ATP8A2: variants seen among roughly 807,000 people sequenced by gnomAD.
ATP8A2 encodes phospholipid-transporting ATPase IB.
Under a neutral mutation model 165.6 loss-of-function variants are expected in ATP8A2, and 100 were observed. That is an observed-to-expected ratio of 0.60 (90% CI 0.51 to 0.71). The LOEUF (loss-of-function observed/expected upper bound fraction) is 0.71. Ranked by LOEUF, ATP8A2 falls within the 30% of genes least tolerant of loss-of-function variation. The pLI, the probability that ATP8A2 is intolerant of heterozygous loss-of-function variation, is 0.00. For synonymous variants in ATP8A2, 543 were observed against 548.8 expected, an observed-to-expected ratio of 0.99 and a Z score of 0.15; for missense variants, 1,227 against 1,479.5, an observed-to-expected ratio of 0.83 and a Z score of 2.80.
At chr13:25,428,663 G>A (rs2034519577) in intron 1 of ATP8A2, among the ~76,000 whole-genome samples, 1 of 152,112 alleles carries the variant, frequency 6.6e-6, no homozygotes, top group Non-Finnish European at 1.5e-5. Context: ...GTTTGTTGGG[G>A]CAATGCTCGC....
At chr13:25,663,490 A>G (rs2137704586) in intron 24 of ATP8A2, among the ~76,000 whole-genome samples, 1 of 152,300 alleles carries the variant, frequency 6.6e-6, no homozygotes, top group South Asian at 2.1e-4. Context: ...TGTAATATTC[A>G]CACGGCCTCA....
intron 8 of ATP8A2, among the ~76,000 whole-genome samples, chr13:25,541,251 A>G (rs966384849): frequency 6.6e-6 from 1 of 152,314 alleles, no homozygotes; most frequent in Admixed American, 6.5e-5. Context: ...GAATTCAGCA[A>G]TTCTATCCAT....
intron 33 of ATP8A2, among the ~76,000 whole-genome samples, chr13:25,865,939 GTTT>G (rs1458960027): frequency 6.6e-6 from 1 of 152,124 alleles, no homozygotes; most frequent in Non-Finnish European, 1.5e-5. Context: ...GGGACCAGGT[GTTT>G]TTCTTTTCCC....
intron 27 of ATP8A2, among the ~76,000 whole-genome samples, chr13:25,803,586 T>C (rs1950665881): frequency 6.6e-6 from 1 of 152,268 alleles, no homozygotes; most frequent in Non-Finnish European, 1.5e-5. Flanking sequence ...AGTCCAACTC[T>C]CGTGCGTGTG....
chr13:25,535,993 A>G (rs972396912), intron 6 of ATP8A2, among the ~76,000 whole-genome samples: 2 of 152,192 alleles, frequency 1.3e-5, no homozygotes, highest in Non-Finnish European at 2.9e-5. Context: ...ATTTAAAAAA[A>G]TCCACTGCCT....
chr13:25,712,814 ATGGG>A (rs2043182461), intron 25 of ATP8A2, among the ~76,000 whole-genome samples: 1 of 152,066 alleles, frequency 6.6e-6, no homozygotes, highest in African/African-American at 2.4e-5. Flanking sequence ...GGTAGGGATG[ATGGG>A]TGGGGAGAAT....
intron 33 of ATP8A2, among the ~76,000 whole-genome samples, chr13:25,894,908 TGCTTATCA>T (rs1953487005): frequency 6.6e-6 from 1 of 152,188 alleles, no homozygotes; most frequent in Non-Finnish European, 1.5e-5. Context: ...TTGCTGAAGT[TGCTTATCA>T]GCTTAAGGAG....
intron 24 of ATP8A2, among the ~76,000 whole-genome samples, chr13:25,640,787 C>CAG (rs993035683): frequency 6.6e-6 from 1 of 152,098 alleles, no homozygotes; most frequent in African/African-American, 2.4e-5. Flanking sequence ...CAAAGCCTGG[C>CAG]AGAGACACAA....
rs560911202 is a variant in ATP8A2 at position 25,480,571 on chromosome 13, A to T, written c.221+11450A>T. On this transcript the variant is annotated intron_variant, in intron 2 of 36. Transcript: ENST00000381655. Reference sequence around the variant, plus strand: ...TCTCAGAAGATGGGCGGCCGGGCAGAGACGCTCCTCCCTTCCTAGATGGGA... The same window carrying T: ...TCTCAGAAGATGGGCGGCCGGGCAGTGACGCTCCTCCCTTCCTAGATGGGA... Among the ~76,000 whole-genome samples the T allele has an allele frequency of 1.6e-4, 24 of 150,858 alleles. No individual in the cohort carries two copies. The South Asian group carries it at 5.1e-3, about 32-fold the overall frequency.
In ATP8A2 at chr13:25,527,191, A is replaced by G. The variant is rs117851522; in HGVS notation, c.222-2808A>G. Reference sequence around the variant, plus strand: ...CCACCATTTTGGAACCAGAAACCTCATTGTATTACACCTTATAGTGCTCTG... The same window carrying G: ...CCACCATTTTGGAACCAGAAACCTCGTTGTATTACACCTTATAGTGCTCTG... On this transcript the variant is annotated intron_variant, in intron 2 of 36. Transcript: ENST00000381655. Among the ~76,000 whole-genome samples, 94 of 152,276 alleles carry G rather than the reference A, an allele frequency of 6.2e-4. No homozygotes were observed. The East Asian group carries it at 0.017, about 27-fold the overall frequency.
chr13:25,809,913 A>G (rs560951064), intron 27 of ATP8A2, among the ~76,000 whole-genome samples: 2 of 152,218 alleles, frequency 1.3e-5, no homozygotes, highest in South Asian at 4.2e-4. Flanking sequence ...GGCATCGGAG[A>G]AGACATGCAT....
chr13:25,869,991 T>C (rs755124833), intron 33 of ATP8A2, among the ~76,000 whole-genome samples: 20 of 152,334 alleles, frequency 1.3e-4, no homozygotes, highest in South Asian at 2.1e-4. Flanking sequence ...AAGAATCAGA[T>C]CACACGTGGG....
At chr13:25,989,367 T>C (rs75696971) in intron 35 of ATP8A2, among the ~76,000 whole-genome samples, 279 of 152,358 alleles carry the variant, frequency 1.8e-3, no homozygotes, top group Middle Eastern at 6.8e-3. Flanking sequence ...ATCAGAGATA[T>C]CAATGATTCA....
At chr13:25,899,118 C>T (rs923260134) in intron 33 of ATP8A2, among the ~76,000 whole-genome samples, 5 of 152,220 alleles carry the variant, frequency 3.3e-5, no homozygotes, top group African/African-American at 9.6e-5. Context: ...TCTTCTGTGT[C>T]GCTCACTCTG....
At chr13:25,633,505 C>T (rs2041297298) in intron 24 of ATP8A2, among the ~76,000 whole-genome samples, 1 of 152,204 alleles carries the variant, frequency 6.6e-6, no homozygotes, top group South Asian at 2.1e-4. Context: ...AAATCCTGTA[C>T]GTGGGCATTA....
intron 24 of ATP8A2, among the ~76,000 whole-genome samples, chr13:25,698,871 G>GATATA (rs2042890885): frequency 1.3e-5 from 2 of 152,084 alleles, no homozygotes; most frequent in African/African-American, 4.8e-5. Context: ...TCCCCAAAAA[G>GATATA]CACATTTGTT....
chr13:25,974,220 T>C (rs575386164), intron 35 of ATP8A2, among the ~76,000 whole-genome samples: 1 of 152,340 alleles, frequency 6.6e-6, no homozygotes, highest in Non-Finnish European at 1.5e-5. Flanking sequence ...AAATAAATAA[T>C]GCAGATTAAA....
At chr13:25,999,301 T>C (rs778149940) in intron 35 of ATP8A2, among the ~76,000 whole-genome samples, 7 of 152,180 alleles carry the variant, frequency 4.6e-5, no homozygotes, top group Non-Finnish European at 8.8e-5. Flanking sequence ...CTTCTCAGTC[T>C]ACCAGCTCTC....
chr13:25,627,911 C>T (rs2041143491), intron 24 of ATP8A2, among the ~76,000 whole-genome samples: 1 of 152,128 alleles, frequency 6.6e-6, no homozygotes, highest in Non-Finnish European at 1.5e-5. Context: ...CTCATAAGTG[C>T]TATGAGCCAG....
Sources: gnomAD v4.1 joint callset for allele counts (sites outside exome capture counted in the v4.1 genomes callset) on GRCh38, gnomAD v4.1.1 for gene constraint, MANE v1.5 for transcripts, NCBI Gene and HGNC (gene_info 2026-07-23, HGNC 2026-07-21) for gene names.